Variants in PCDH15 observed in about 807,000 individuals in gnomAD.
PCDH15 encodes protocadherin-15.
A neutral mutation model predicts 178.5 loss-of-function variants in PCDH15; 129 were observed. That is an observed-to-expected ratio of 0.72 (90% CI 0.63 to 0.84). The LOEUF (loss-of-function observed/expected upper bound fraction) is 0.84. Among genes scored for constraint, PCDH15 ranks in the 40% least tolerant of loss-of-function variants. The probability of loss-of-function intolerance (pLI) is 0.00; values close to 1 mark genes in which losing one functional copy is unlikely to be tolerated. For synonymous variants in PCDH15, 800 were observed against 732.0 expected, an observed-to-expected ratio of 1.09 and a Z score of -1.50; for missense variants, 2,230 against 2,099.9, an observed-to-expected ratio of 1.06 and a Z score of -1.21.
At chr10:54,023,827 T>C (rs756682177) in intron 18 of PCDH15, among the ~76,000 whole-genome samples, 2 of 151,846 alleles carry the variant, frequency 1.3e-5, no homozygotes, top group African/African-American at 2.4e-5. Flanking sequence ...CTGTGGCTTA[T>C]GGAAGGTTAC....
At chr10:54,327,927 C>T (rs1056628147) in intron 7 of PCDH15, among the ~76,000 whole-genome samples, 2 of 152,034 alleles carry the variant, frequency 1.3e-5, no homozygotes, top group Non-Finnish European at 2.9e-5. Context: ...TACAACATCC[C>T]TAATCAAAGT....
chr10:55,263,895 C>G (rs1842213701), intron 1 of PCDH15, among the ~76,000 whole-genome samples: 1 of 152,018 alleles, frequency 6.6e-6, no homozygotes, highest in East Asian at 2.0e-4. Context: ...CCACCACGCC[C>G]GGCTAATTTT....
At position 54,471,116 on chromosome 10, in the gene PCDH15, A is replaced by G. The variant is rs1180914789; in HGVS notation, c.157+56696T>C. On this transcript the variant is annotated intron_variant, in intron 3 of 37. Transcript: ENST00000644397. ...TCATTCTGTATGTTACATGTATTGT[A>G]CAATATAGTTTTACAACAAAGCAAG... Among the ~76,000 whole-genome samples, 5 of 152,338 alleles carry G rather than the reference A, an allele frequency of 3.3e-5. No individual in the cohort carries two copies. The East Asian group carries it at 9.6e-4, about 29-fold the overall frequency.
chr10:54,150,651 A>C (rs898435978), intron 14 of PCDH15, among the ~76,000 whole-genome samples: 4 of 150,472 alleles, frequency 2.7e-5, no homozygotes, highest in Admixed American at 2.0e-4. Context: ...TTATGTCTTT[A>C]TTTTTGTTGT....
At chr10:54,635,217 T>C (rs970834033) in intron 2 of PCDH15, among the ~76,000 whole-genome samples, 1 of 143,504 alleles carries the variant, frequency 7.0e-6, no homozygotes, top group Non-Finnish European at 1.6e-5. Context: ...TGGACTTGCT[T>C]TCTTGACTCA....
At chr10:55,257,976 A>AGGTTG (rs1472871639) in intron 1 of PCDH15, among the ~76,000 whole-genome samples, 1 of 152,206 alleles carries the variant, frequency 6.6e-6, no homozygotes, top group East Asian at 1.9e-4. Context: ...CCAGAGAGAA[A>AGGTTG]GGTTGGGTTA....
At chr10:55,169,928 C>T (rs1355433378) in intron 1 of PCDH15, among the ~76,000 whole-genome samples, 1 of 151,658 alleles carries the variant, frequency 6.6e-6, no homozygotes, top group Non-Finnish European at 1.5e-5. Flanking sequence ...CATTAGTAGA[C>T]ATAAAATTCT....
intron 13 of PCDH15, among the ~76,000 whole-genome samples, chr10:54,158,709 A>T (rs1456932194): frequency 1.2e-5 from 1 of 86,340 alleles, no homozygotes; most frequent in African/African-American, 7.5e-5. Flanking sequence ...AGTCTCAAAA[A>T]TGACACAGAA....
intron 4 of PCDH15, among the ~76,000 whole-genome samples, chr10:54,373,900 C>T (rs2134859008): frequency 6.6e-6 from 1 of 152,042 alleles, no homozygotes; most frequent in South Asian, 2.1e-4. Context: ...TTCAAAAGAA[C>T]ATCAGGGAAG....
chr10:54,256,271 A>G (rs537589403), intron 8 of PCDH15, among the ~76,000 whole-genome samples: 3 of 152,352 alleles, frequency 2.0e-5, no homozygotes, highest in Admixed American at 6.5e-5. Context: ...GATAAAAAAA[A>G]GCATTTAATG....
At position 54,198,067 on chromosome 10, in the gene PCDH15, G is replaced by A. The variant is rs941211365; in HGVS notation, c.1099-2178C>T. The stretch of plus-strand genomic sequence containing the variant: ...ACAAAACGCTTTAAGATCCTGCTCA[G>A]CACTAAGAAGAACAGTACTGGAATA... On this transcript the variant is annotated intron_variant, in intron 10 of 37. Coordinates refer to ENST00000644397, the MANE Select transcript of PCDH15 (RefSeq NM_001384140.1). Among the ~76,000 whole-genome samples, 10 of 152,270 alleles carry A rather than the reference G, an allele frequency of 6.6e-5. 1 individual carries two copies. The South Asian group carries it at 1.9e-3, about 28-fold the overall frequency.
At position 54,752,483 on chromosome 10, in the gene PCDH15, A is replaced by C. The variant is rs1313555808; in HGVS notation, c.-29+48442T>G. On this transcript the variant is annotated intron_variant, in intron 1 of 37. Transcript: ENST00000644397. ...CAGAACGAGACTCCGTCTCAAAAAA[A>C]AAAAAAAACAAAAAACAAAAAACAA... Among the ~76,000 whole-genome samples the C allele has an allele frequency of 4.8e-4, 43 of 90,094 alleles. 5 individuals carry two copies. The highest frequency in any genetic ancestry group is 4.9e-4 in the Admixed American group (5 of 10,226). The allele number at this position is 90,094 out of a possible 152,430, so 59.1% of individuals were successfully genotyped here.
At chr10:54,596,863 A>G (rs2092267152) in intron 2 of PCDH15, among the ~76,000 whole-genome samples, 1 of 152,220 alleles carries the variant, frequency 6.6e-6, no homozygotes, top group Non-Finnish European at 1.5e-5. Flanking sequence ...AGGGCATTAT[A>G]TAATAGAAAA....
chr10:53,882,519 G>A (rs1435736754), intron 26 of PCDH15, among the ~76,000 whole-genome samples: 8 of 152,058 alleles, frequency 5.3e-5, no homozygotes, highest in East Asian at 3.9e-4. Flanking sequence ...GCGCCACCAC[G>A]CATGGCTAAT....
At position 54,614,732 on chromosome 10, in the gene PCDH15, C is replaced by T. The variant is rs1006836017; in HGVS notation, c.91+49440G>A. 7.3e-5 allele frequency among the ~76,000 whole-genome samples: 11 copies of T among 151,702 alleles called. No homozygotes were observed. In the Admixed American group the frequency reaches 7.3e-4, roughly 10 times the overall value. Reference sequence around the variant, plus strand: ...TTCTCGTGCTTGTCCACAGAAATTCCCACCAAGAGTCAAAGTTCCACTTGC... The same window carrying T: ...TTCTCGTGCTTGTCCACAGAAATTCTCACCAAGAGTCAAAGTTCCACTTGC... On this transcript the variant is annotated intron_variant, in intron 2 of 37. Coordinates refer to ENST00000644397, the MANE Select transcript of PCDH15 (RefSeq NM_001384140.1).
intron 25 of PCDH15, among the ~76,000 whole-genome samples, chr10:53,908,784 G>A (rs1268652699): frequency 6.6e-6 from 1 of 152,106 alleles, no homozygotes; most frequent in Non-Finnish European, 1.5e-5. Context: ...TTTTAAAATT[G>A]TTATCATGAT....
intron 11 of PCDH15, among the ~76,000 whole-genome samples, chr10:54,190,576 T>C (rs1038062153): frequency 2.6e-5 from 4 of 152,126 alleles, no homozygotes; most frequent in Non-Finnish European, 5.9e-5. Context: ...CTAAGTTTTT[T>C]GTTTATTTTT....
intron 6 of PCDH15, among the ~76,000 whole-genome samples, chr10:54,344,035 A>G (rs1942778955): frequency 6.6e-6 from 1 of 152,166 alleles, no homozygotes; most frequent in South Asian, 2.1e-4. Context: ...GTAGCAGAAC[A>G]TAAAATTTAT....
In PCDH15 at chr10:55,345,155, C is replaced by CTA. The variant is rs879543779; in HGVS notation, c.-155-178505_-155-178504insTA. Among the ~76,000 whole-genome samples, 636 of 151,444 alleles carry CTA rather than the reference C, an allele frequency of 4.2e-3. 4 individuals carry two copies. The highest frequency in any genetic ancestry group is 0.015 in the African/African-American group (599 of 41,128). On this transcript the variant is annotated intron_variant, in intron 2 of 5. Coordinates refer to the PCDH15 transcript ENST00000613346. ...TGTGTGTGTGTGTCTCTCTCTCTCT[C>CTA]TCTATATATATATATATGGTCAGAA...
Sources: gnomAD v4.1 joint callset for allele counts (sites outside exome capture counted in the v4.1 genomes callset) on GRCh38, gnomAD v4.1.1 for gene constraint, MANE v1.5 for transcripts, NCBI Gene and HGNC (gene_info 2026-07-23, HGNC 2026-07-21) for gene names.